The following ATG4B variants were observed in gnomAD, a reference collection of about 807,000 sequenced individuals.
ATG4B encodes autophagy related 4B cysteine peptidase.
Under a neutral mutation model 56.6 loss-of-function variants are expected in ATG4B, and 29 were observed. That is an observed-to-expected ratio of 0.51 (90% CI 0.38 to 0.70). The LOEUF (loss-of-function observed/expected upper bound fraction) is 0.70. Ranked by LOEUF, ATG4B falls within the 30% of genes least tolerant of loss-of-function variation. The pLI is 0.00. For missense variants in ATG4B, 461 were observed against 515.5 expected, an observed-to-expected ratio of 0.89 and a Z score of 1.02; for synonymous variants, 224 against 206.1, an observed-to-expected ratio of 1.09 and a Z score of -0.74.
intron 5 of ATG4B, chr2:241,654,896 C>T: frequency 1.7e-6 from 1 of 579,556 alleles, no homozygotes; most frequent in African/African-American, 1.9e-5. Context: ...CTTGCAGTGC[C>T]TGGTGCTCGG....
chr2:241,668,389 C>T lies in ATG4B; in HGVS notation c.812-151C>T, dbSNP rs1465035029. 7.3e-7 allele frequency: 1 copy of T among 1,372,734 alleles called. No homozygotes were observed. The highest frequency in any genetic ancestry group is 1.0e-6 in the Non-Finnish European group (1 of 993,268). The allele number at this position is 1,372,734 out of a possible 1,614,324, so 85.0% of individuals were successfully genotyped here. ...GGGCGGCCTCCTGTGTGCCCCTTTCCCTGATGGTCTGGTGCCCTCGGCTCC... is the reference window on the plus strand; with the variant it reads ...GGGCGGCCTCCTGTGTGCCCCTTTCTCTGATGGTCTGGTGCCCTCGGCTCC... On this transcript the variant is annotated intron_variant, in intron 9 of 12. Coordinates refer to ENST00000404914, the MANE Select transcript of ATG4B (RefSeq NM_013325.5). This position sits in a 1 kb window ranked among gnomAD's most constrained non-coding sequence, Gnocchi z 4.2.
At chr2:241,647,356 C>T (rs1179857915) in intron 1 of ATG4B, among the ~76,000 whole-genome samples, 3 of 148,924 alleles carry the variant, frequency 2.0e-5, no homozygotes, top group Admixed American at 6.7e-5. Context: ...CAGTGGCTCA[C>T]GCCTGTAATC....
intron 6 of ATG4B, among the ~76,000 whole-genome samples, chr2:241,657,903 G>C (rs7600642): frequency 0.72 from 109,572 of 152,190 alleles, 40,571 homozygotes; most frequent in East Asian, 0.95. Context: ...GGCATGACAC[G>C]TTGTGCTCCT....
chr2:241,638,250 C>G (rs34691302), intron 1 of ATG4B: 1 of 151,948 alleles, frequency 6.6e-6, no homozygotes, highest in Non-Finnish European at 1.5e-5. Flanking sequence ...TTGTTTTTGT[C>G]TTCAATTTAG....
intron 7 of ATG4B, among the ~76,000 whole-genome samples, chr2:241,666,200 C>G (rs1016568220): frequency 1.3e-5 from 2 of 152,218 alleles, no homozygotes; most frequent in Non-Finnish European, 2.9e-5. Context: ...CCGCACCCTC[C>G]GGTTGATGTG....
intron 7 of ATG4B, among the ~76,000 whole-genome samples, chr2:241,665,054 A>T (rs1217555098): frequency 6.6e-6 from 1 of 152,296 alleles, no homozygotes; most frequent in Non-Finnish European, 1.5e-5. Context: ...CAGGTGTTTG[A>T]GGCTGCAGTG....
At chr2:241,650,669 C>G (rs995684473) in intron 1 of ATG4B, among the ~76,000 whole-genome samples, 3 of 152,010 alleles carry the variant, frequency 2.0e-5, no homozygotes, top group Non-Finnish European at 4.4e-5. Flanking sequence ...TTTCTCACCC[C>G]TCAGGTTGGC....
chr2:241,668,819 T>A lies in ATG4B; in HGVS notation c.957+134T>A. On this transcript the variant is annotated intron_variant, in intron 10 of 12. Coordinates refer to ENST00000404914, the MANE Select transcript of ATG4B (RefSeq NM_013325.5). This position sits in a 1 kb window ranked among gnomAD's most constrained non-coding sequence, Gnocchi z 4.2. ...AGTACTGTGTTCACGTGGTTGGGAATCTGAAGGGTATAAGAGCCGGAACTG... is the reference window on the plus strand; with the variant it reads ...AGTACTGTGTTCACGTGGTTGGGAAACTGAAGGGTATAAGAGCCGGAACTG... The A allele has an allele frequency of 3.0e-6, 4 of 1,335,456 alleles. No individual in the cohort carries two copies. The South Asian group carries it at 4.1e-5, about 14-fold the overall frequency. The allele number at this position is 1,335,456 out of a possible 1,614,324, so 82.7% of individuals were successfully genotyped here.
chr2:241,664,501 TCACTC>T (rs1206940627), intron 7 of ATG4B, among the ~76,000 whole-genome samples: 1 of 151,948 alleles, frequency 6.6e-6, no homozygotes, highest in Non-Finnish European at 1.5e-5. Flanking sequence ...TTGCACCACT[TCACTC>T]CAGCCTGGGT....
chr2:241,643,207 C>T (rs1194958643), intron 1 of ATG4B, among the ~76,000 whole-genome samples: 2 of 151,332 alleles, frequency 1.3e-5, no homozygotes, highest in African/African-American at 4.9e-5. Flanking sequence ...GTTCCTCCTG[C>T]GTGTCATCTT....
At position 241,668,702 on chromosome 2, in the gene ATG4B, T is replaced by A; in HGVS notation, c.957+17T>A. The A allele has an allele frequency of 1.3e-6, 2 of 1,561,260 alleles. No individual in the cohort carries two copies. The highest frequency in any genetic ancestry group is 2.4e-5 in the South Asian group (2 of 84,766). ...ATCGCTGTGGTACGTGGCGGCCACC[T>A]GAGCACACAGGCATTTGGTGCTGAA... On this transcript the variant is annotated intron_variant, in intron 10 of 12. Coordinates refer to ENST00000404914, the MANE Select transcript of ATG4B (RefSeq NM_013325.5). This position sits in a 1 kb window ranked among gnomAD's most constrained non-coding sequence, Gnocchi z 4.2.
chr2:241,668,608 A>T lies in ATG4B; in HGVS notation c.880A>T (p.Ile294Phe). 4.4e-6 allele frequency: 7 copies of T among 1,596,524 alleles called. No homozygotes were observed. The highest frequency in any genetic ancestry group is 6.0e-6 in the Non-Finnish European group (7 of 1,172,466). ...PAVEPTDGCF[I>F]PDESFHCQHP... is the part of the protein sequence containing the mutation. Reference sequence around the variant, plus strand: ...CGTGGAGCCCACTGATGGCTGCTTCATCCCGGACGAGAGCTTCCACTGCCA... The same window carrying T: ...CGTGGAGCCCACTGATGGCTGCTTCTTCCCGGACGAGAGCTTCCACTGCCA... Residue 294 changes from isoleucine to phenylalanine, a missense_variant, in exon 10 of 13, where the codon ATC (isoleucine) becomes TTC (phenylalanine). By Grantham distance (21) the Ile-to-Phe change is conservative (BLOSUM62 0). Coordinates refer to ENST00000404914, the MANE Select transcript of ATG4B (RefSeq NM_013325.5). The surrounding 1 kb of genome is among the most constrained non-coding windows in gnomAD (Gnocchi z 4.2).
chr2:241,655,989 A>G (rs1463742004), intron 6 of ATG4B, among the ~76,000 whole-genome samples: 2 of 152,004 alleles, frequency 1.3e-5, no homozygotes, highest in Non-Finnish European at 2.9e-5. Flanking sequence ...GCATCCCAGC[A>G]TTTTTGGGGA....
rs2069043741 is a variant in ATG4B, at chr2:241,673,335, G to GC, written c.*1075dup. 2.8e-6 allele frequency: 1 copy of GC among 355,662 alleles called. No individual in the cohort carries two copies. Among genetic ancestry groups the GC allele is most frequent in the Non-Finnish European group, 5.6e-6 (1 of 179,144 alleles). The allele number at this position is 355,662 out of a possible 1,614,324, so 22.0% of individuals were successfully genotyped here. ...TGTCCCGGGTCCCAGAGTGCACTCT[G>GC]CCCCGCTGCTCTGCTGCCTGTCCTG... On this transcript the variant is annotated 3_prime_UTR_variant, in exon 13 of 13. Transcript: ENST00000404914.
intron 1 of ATG4B, among the ~76,000 whole-genome samples, chr2:241,639,239 C>T (rs2067806244): frequency 6.6e-6 from 1 of 152,200 alleles, no homozygotes; most frequent in African/African-American, 2.4e-5. Context: ...CGGACTCCAG[C>T]GTCCAGACAA....
chr2:241,657,496 G>T (rs574932706), intron 6 of ATG4B, among the ~76,000 whole-genome samples: 1 of 150,486 alleles, frequency 6.6e-6, no homozygotes, highest in South Asian at 2.1e-4. Context: ...GTGGAGACAA[G>T]GTTTCACCAT....
In ATG4B at chr2:241,668,653, A is replaced by G; in HGVS notation, c.925A>G (p.Ser309Gly). ...FHCQHPPCRM[S>G]IAELDPSIAV... ...CTGCCAGCACCCGCCGTGCCGCATGAGCATCGCGGAGCTTGACCCGTCCAT... is the reference window on the plus strand; with the variant it reads ...CTGCCAGCACCCGCCGTGCCGCATGGGCATCGCGGAGCTTGACCCGTCCAT... The change falls in exon 10 of 13, where the codon AGC becomes GGC. Residue 309 changes from serine to glycine, a missense_variant. Ser to Gly is a moderately conservative substitution (Grantham distance 56, BLOSUM62 0). Transcript: ENST00000404914. This position sits in a 1 kb window ranked among gnomAD's most constrained non-coding sequence, Gnocchi z 4.2. 6.3e-7 allele frequency: 1 copy of G among 1,578,894 alleles called. No individual in the cohort carries two copies. Among genetic ancestry groups the G allele is most frequent in the Non-Finnish European group, 8.6e-7 (1 of 1,163,524 alleles).
At chr2:241,646,199 C>G (rs1406732385) in intron 1 of ATG4B, among the ~76,000 whole-genome samples, 1 of 152,206 alleles carries the variant, frequency 6.6e-6, no homozygotes, top group Non-Finnish European at 1.5e-5. Flanking sequence ...AATACACCTG[C>G]TGTGCATTTT....
intron 6 of ATG4B, 69 bp downstream of exon 6, chr2:241,655,412 G>C: frequency 6.9e-7 from 1 of 1,458,348 alleles, no homozygotes. Flanking sequence ...AATTCTCCTT[G>C]AGTCTTCATG....
Sources: gnomAD v4.1 joint callset for allele counts (sites outside exome capture counted in the v4.1 genomes callset) on GRCh38, gnomAD v4.1.1 for gene constraint, Gnocchi (gnomAD v3.1) non-coding constraint, MANE v1.5 for transcripts, NCBI Gene and HGNC (gene_info 2026-07-23, HGNC 2026-07-21) for gene names.